ANKS1B: variants seen among roughly 807,000 people sequenced by gnomAD.
ANKS1B encodes ankyrin repeat and sterile alpha motif domain-containing protein 1B.
ANKS1B carries 36 observed loss-of-function variants against 148.3 expected under a neutral mutation model. The ratio of observed to expected loss-of-function variants is 0.24; its 90% confidence interval spans 0.19 to 0.32. ANKS1B has a LOEUF of 0.32. ANKS1B is among the 10% of genes least tolerant of loss of function. ANKS1B has a pLI of 1.00. For missense variants in ANKS1B, 1,157 were observed against 1,542.6 expected (o/e 0.75, Z 4.19); for synonymous variants, 542 against 560.8 (o/e 0.97, Z 0.47).
At chr12:99,798,309 A>G (rs1198843775) in intron 4 of ANKS1B, among the ~76,000 whole-genome samples, 2 of 151,948 alleles carry the variant, frequency 1.3e-5, no homozygotes, top group Admixed American at 6.6e-5. Context: ...CAACTGGTAA[A>G]TAAAGATAAC....
intron 1 of ANKS1B, among the ~76,000 whole-genome samples, chr12:99,907,722 G>A (rs977435891): frequency 1.4e-5 from 2 of 146,214 alleles, no homozygotes; most frequent in African/African-American, 5.1e-5. Context: ...AAATCAGACT[G>A]TAATTTTAAC....
intron 8 of ANKS1B, among the ~76,000 whole-genome samples, chr12:99,709,433 T>G (rs2056318266): frequency 6.6e-6 from 1 of 152,150 alleles, no homozygotes; most frequent in Admixed American, 6.5e-5. Context: ...AACTAACTTT[T>G]ATTAAATGGC....
intron 10 of ANKS1B, among the ~76,000 whole-genome samples, chr12:99,458,793 A>G (rs1466815206): frequency 6.6e-6 from 1 of 152,012 alleles, no homozygotes; most frequent in Non-Finnish European, 1.5e-5. Context: ...AAAAAAGGCC[A>G]GGACCAGATA....
intron 1 of ANKS1B, among the ~76,000 whole-genome samples, chr12:99,897,329 C>A (rs954957131): frequency 6.6e-6 from 1 of 151,010 alleles, no homozygotes; most frequent in African/African-American, 2.4e-5. Flanking sequence ...TTGTTACTTT[C>A]ATTGTACACA....
At chr12:99,325,288 A>G (rs890931101) in intron 12 of ANKS1B, among the ~76,000 whole-genome samples, 12 of 152,154 alleles carry the variant, frequency 7.9e-5, no homozygotes, top group Admixed American at 2.0e-4. Flanking sequence ...GCTAAAATTG[A>G]GGCAAGAACA....
chr12:99,946,714 G>T (rs1286863722), intron 1 of ANKS1B, among the ~76,000 whole-genome samples: 2 of 152,266 alleles, frequency 1.3e-5, no homozygotes, highest in South Asian at 4.1e-4. Flanking sequence ...GGAATTGACA[G>T]TATATGCCAG....
intron 17 of ANKS1B, among the ~76,000 whole-genome samples, chr12:98,937,895 GGAGA>G (rs35321454): frequency 1.1e-4 from 17 of 150,136 alleles, no homozygotes; most frequent in Admixed American, 3.3e-4. Flanking sequence ...CATGGCAGCA[GGAGA>G]GAGAGAGAGA....
At chr12:98,941,693 T>C (rs910006812) in intron 17 of ANKS1B, among the ~76,000 whole-genome samples, 23 of 152,358 alleles carry the variant, frequency 1.5e-4, no homozygotes, top group Non-Finnish European at 2.8e-4. Context: ...AGCGGGACTA[T>C]GGTGACATAA....
At chr12:99,457,407 C>CTATTA (rs1296984917) in intron 10 of ANKS1B, among the ~76,000 whole-genome samples, 1 of 151,046 alleles carries the variant, frequency 6.6e-6, no homozygotes, top group Non-Finnish European at 1.5e-5. Context: ...GCATGATAAA[C>CTATTA]AGAACAGAAC....
At chr12:98,983,809 T>G (rs1436781392) in intron 17 of ANKS1B, among the ~76,000 whole-genome samples, 1 of 152,200 alleles carries the variant, frequency 6.6e-6, no homozygotes, top group Non-Finnish European at 1.5e-5. Flanking sequence ...AAAACTCCAC[T>G]GAGTTTCAAG....
At chr12:99,949,544 T>G (rs943695962) in intron 1 of ANKS1B, among the ~76,000 whole-genome samples, 1 of 151,812 alleles carries the variant, frequency 6.6e-6, no homozygotes, top group Non-Finnish European at 1.5e-5. Flanking sequence ...ATCTCAGACA[T>G]GAAAAAGGAG....
At chr12:99,429,702 G>A (rs1408983856) in intron 11 of ANKS1B, among the ~76,000 whole-genome samples, 2 of 152,214 alleles carry the variant, frequency 1.3e-5, no homozygotes, top group East Asian at 1.9e-4. Flanking sequence ...GGTGGCTCAC[G>A]CCTGTAATCC....
intron 16 of ANKS1B, among the ~76,000 whole-genome samples, chr12:99,078,576 G>A (rs1259892119): frequency 1.3e-5 from 2 of 152,112 alleles, no homozygotes; most frequent in African/African-American, 2.4e-5. Context: ...TAAATCATCT[G>A]ACTGTGAACA....
At chr12:99,359,203 C>A (rs1566954044) in intron 12 of ANKS1B, among the ~76,000 whole-genome samples, 1 of 152,098 alleles carries the variant, frequency 6.6e-6, no homozygotes, top group Non-Finnish European at 1.5e-5. Flanking sequence ...TGTTATCCAA[C>A]TTTATGCATT....
chr12:99,816,113 T>C (rs575006762), intron 2 of ANKS1B, among the ~76,000 whole-genome samples: 49 of 152,006 alleles, frequency 3.2e-4, no homozygotes, highest in Admixed American at 6.6e-4. Flanking sequence ...AGCGTAAAAG[T>C]GTTCCCTTTT....
At chr12:99,202,296 G>A (rs578227970) in intron 14 of ANKS1B, among the ~76,000 whole-genome samples, 21 of 152,246 alleles carry the variant, frequency 1.4e-4, no homozygotes, top group South Asian at 1.2e-3. Context: ...ATGGTTGCCC[G>A]CAGCCCCCTT....
At chr12:98,916,177 G>T (rs2099794114) in intron 17 of ANKS1B, among the ~76,000 whole-genome samples, 1 of 152,184 alleles carries the variant, frequency 6.6e-6, no homozygotes, top group Non-Finnish European at 1.5e-5. Context: ...TAATATATAA[G>T]AAAAAAGAAT....
rs554047981 is a variant in ANKS1B at position 99,740,853 on chromosome 12, C to T, written c.1128+32069G>A. ...CCGTGAGGGACTATGCCATGAGGAA[C>T]AGTGCACTCCGGCCCAGATACTACA... On this transcript the variant is annotated intron_variant, in intron 8 of 26. Coordinates refer to ENST00000683438, the MANE Select transcript of ANKS1B (RefSeq NM_001352186.2). 9.2e-5 allele frequency among the ~76,000 whole-genome samples: 14 copies of T among 152,230 alleles called. No individual in the cohort carries two copies. In the East Asian group the frequency reaches 2.7e-3, roughly 30 times the overall value.
intron 14 of ANKS1B, among the ~76,000 whole-genome samples, chr12:99,211,164 C>A (rs1437849742): frequency 6.6e-6 from 1 of 152,104 alleles, no homozygotes; most frequent in South Asian, 2.1e-4. Flanking sequence ...GGGAGCATGA[C>A]CAAAAGGGGG....
Sources: gnomAD v4.1 joint callset for allele counts (sites outside exome capture counted in the v4.1 genomes callset) on GRCh38, gnomAD v4.1.1 for gene constraint, MANE v1.5 for transcripts, NCBI Gene and HGNC (gene_info 2026-07-23, HGNC 2026-07-21) for gene names.